ZDHHC14: variants seen among roughly 807,000 people sequenced by gnomAD.
ZDHHC14 encodes the protein palmitoyltransferase ZDHHC14.
In ZDHHC14, 16 loss-of-function variants were observed where a neutral mutation model predicts 47.7. The ratio of observed to expected loss-of-function variants is 0.34; its 90% CI spans 0.23 to 0.51. The LOEUF is 0.51. Among genes scored for constraint, ZDHHC14 ranks in the 20% least tolerant of loss-of-function variants. The probability of loss-of-function intolerance (pLI) is 0.97; values close to 1 mark genes in which losing one functional copy is unlikely to be tolerated. For missense variants in ZDHHC14, 515 were observed against 662.5 expected, an observed-to-expected ratio of 0.78 and a Z score of 2.44; for synonymous variants, 293 against 278.9, an observed-to-expected ratio of 1.05 and a Z score of -0.50.
chr6:157,395,626 TC>T (rs770893145), intron 1 of ZDHHC14, among the ~76,000 whole-genome samples: 1 of 152,062 alleles, frequency 6.6e-6, no homozygotes, highest in Non-Finnish European at 1.5e-5. Context: ...AAACCCTGTC[TC>T]TACTAAAATA....
In ZDHHC14 at chr6:157,502,828, T is replaced by C. The variant is rs567571764; in HGVS notation, c.246-39757T>C. Reference sequence around the variant, plus strand: ...GGCTCAGCCTCTCAAGTAGCTGGGATTACAGGTGCCCATCACCATGCCCAG... The same window carrying C: ...GGCTCAGCCTCTCAAGTAGCTGGGACTACAGGTGCCCATCACCATGCCCAG... On this transcript the variant is annotated intron_variant, in intron 1 of 8. Coordinates refer to ENST00000359775, the MANE Select transcript of ZDHHC14 (RefSeq NM_024630.3). This position sits in a 1 kb window ranked among gnomAD's most constrained non-coding sequence, Gnocchi z 4.0. Among the ~76,000 whole-genome samples, 71 of 152,246 alleles carry C rather than the reference T, an allele frequency of 4.7e-4. No individual in the cohort carries two copies. Among genetic ancestry groups the C allele is most frequent in the Non-Finnish European group, 7.8e-4 (53 of 68,012 alleles).
At position 157,653,745 on chromosome 6, in the gene ZDHHC14, G is replaced by A. The variant is rs117482547; in HGVS notation, c.1068+118G>A. 704 of 937,476 alleles carry A rather than the reference G, an allele frequency of 7.5e-4. 6 individuals are homozygous for A. Among genetic ancestry groups the A allele is most frequent in the South Asian group, 6.2e-3 (410 of 66,430 alleles). 58.1% of individuals were successfully genotyped at this position (937,476 alleles called of 1,614,324 possible). ...CCAGGAGCGGGGGCAGCCCACAGCC[G>A]CCCACCCCATGACTACTGCGCTCAG... On this transcript the variant is annotated intron_variant, in intron 8 of 8. Coordinates refer to ENST00000359775, the MANE Select transcript of ZDHHC14 (RefSeq NM_024630.3).
intron 1 of ZDHHC14, among the ~76,000 whole-genome samples, chr6:157,428,038 C>G (rs776005222): frequency 6.6e-6 from 1 of 152,098 alleles, no homozygotes; most frequent in South Asian, 2.1e-4. Flanking sequence ...ATATCGGGTT[C>G]CTGGAGGGCT....
At chr6:157,611,305 G>A (rs1784741685) in intron 3 of ZDHHC14, among the ~76,000 whole-genome samples, 1 of 152,080 alleles carries the variant, frequency 6.6e-6, no homozygotes, top group Non-Finnish European at 1.5e-5. Context: ...TGGCCAATAT[G>A]TGTACTTTTA....
chr6:157,478,872 G>A lies in ZDHHC14; in HGVS notation c.246-63713G>A, dbSNP rs148911302. Reference sequence around the variant, plus strand: ...CATTTCATTTAAGATGTTTGACCATGTGAAGTGAAACAGTGAAGAGAGTGT... The same window carrying A: ...CATTTCATTTAAGATGTTTGACCATATGAAGTGAAACAGTGAAGAGAGTGT... On this transcript the variant is annotated intron_variant, in intron 1 of 8. Coordinates refer to ENST00000359775, the MANE Select transcript of ZDHHC14 (RefSeq NM_024630.3). Among the ~76,000 whole-genome samples, 457 of 152,332 alleles carry A rather than the reference G, an allele frequency of 3.0e-3. 4 individuals are homozygous for A. The highest frequency in any genetic ancestry group is 0.011 in the African/African-American group (448 of 41,572).
intron 1 of ZDHHC14, among the ~76,000 whole-genome samples, chr6:157,486,651 C>G (rs1031424591): frequency 6.6e-6 from 1 of 152,080 alleles, no homozygotes; most frequent in Non-Finnish European, 1.5e-5. Context: ...AACAGGGTGG[C>G]AGAGGAAGCC....
chr6:157,622,186 C>T (rs112261925), intron 3 of ZDHHC14, among the ~76,000 whole-genome samples: 1 of 131,004 alleles, frequency 7.6e-6, no homozygotes, highest in South Asian at 2.4e-4. Context: ...GCCTGACCAA[C>T]ATGGCAAAAT....
At chr6:157,518,843 C>G (rs1428098902) in intron 1 of ZDHHC14, among the ~76,000 whole-genome samples, 1 of 152,232 alleles carries the variant, frequency 6.6e-6, no homozygotes, top group East Asian at 1.9e-4. Flanking sequence ...CCAGCGCATT[C>G]TTGTGAGGGG....
At chr6:157,662,363 G>A (rs1778382343) in intron 8 of ZDHHC14, among the ~76,000 whole-genome samples, 1 of 152,120 alleles carries the variant, frequency 6.6e-6, no homozygotes, top group South Asian at 2.1e-4. Context: ...TGTATTTTTA[G>A]TACAGACAGG....
At chr6:157,518,412 G>C (rs979802704) in intron 1 of ZDHHC14, among the ~76,000 whole-genome samples, 4 of 142,850 alleles carry the variant, frequency 2.8e-5, no homozygotes, top group Non-Finnish European at 6.2e-5. Context: ...GGTGGAAGGG[G>C]GGCTCTTTAC....
At chr6:157,618,589 T>C (rs1785059456) in intron 3 of ZDHHC14, among the ~76,000 whole-genome samples, 1 of 152,158 alleles carries the variant, frequency 6.6e-6, no homozygotes, top group Non-Finnish European at 1.5e-5. Flanking sequence ...CCCAAAGTGC[T>C]GGGATTACAG....
chr6:157,645,784 G>T lies in ZDHHC14; in HGVS notation c.800G>T (p.Gly267Val). 1 of 1,614,124 alleles carries T rather than the reference G, an allele frequency of 6.2e-7. No individual in the cohort carries two copies. Among genetic ancestry groups the T allele is most frequent in the Non-Finnish European group, 8.5e-7 (1 of 1,180,036 alleles). Reference sequence around the variant, plus strand: ...TTCTTCTCTGTCTGGTCCATCGTTGGCCTCTCAGGATTCCACACCTACTTG... The same window carrying T: ...TTCTTCTCTGTCTGGTCCATCGTTGTCCTCTCAGGATTCCACACCTACTTG... ...VCFFSVWSIV[G>V]LSGFHTYLIS... The change falls in exon 6 of 9, where the codon GGC becomes GTC. Residue 267 changes from glycine (G) to valine (V), a missense_variant. Gly to Val is a moderately radical substitution (Grantham distance 109). This residue lies in a region of ZDHHC14 where 229 missense variants were observed against 351.5 expected (regional missense o/e 0.65). Coordinates refer to ENST00000359775, the MANE Select transcript of ZDHHC14 (RefSeq NM_024630.3).
intron 3 of ZDHHC14, among the ~76,000 whole-genome samples, chr6:157,603,464 G>A (rs1784416935): frequency 6.6e-6 from 1 of 152,166 alleles, no homozygotes; most frequent in African/African-American, 2.4e-5. Context: ...CTAGGAAAGA[G>A]GGACTTGACT....
chr6:157,573,030 C>T (rs1783160071), intron 2 of ZDHHC14, among the ~76,000 whole-genome samples: 1 of 152,112 alleles, frequency 6.6e-6, no homozygotes, highest in South Asian at 2.1e-4. Context: ...ATCCCACATG[C>T]CCTTTGATGA....
intron 3 of ZDHHC14, among the ~76,000 whole-genome samples, chr6:157,614,010 G>C (rs1016761739): frequency 1.3e-5 from 2 of 152,120 alleles, no homozygotes; most frequent in African/African-American, 4.8e-5. Context: ...CTTCTTCCTT[G>C]GTAAACTTGT....
At chr6:157,667,550 A>G (rs891462903) in intron 8 of ZDHHC14, among the ~76,000 whole-genome samples, 7 of 152,254 alleles carry the variant, frequency 4.6e-5, no homozygotes, top group African/African-American at 1.7e-4. Flanking sequence ...TGGTGAGTCC[A>G]GAGAGCAAGA....
intron 1 of ZDHHC14, among the ~76,000 whole-genome samples, chr6:157,436,662 G>A (rs1778446842): frequency 6.6e-6 from 1 of 152,136 alleles, no homozygotes; most frequent in African/African-American, 2.4e-5. Flanking sequence ...AGGTCTGCGG[G>A]ACTTGGCAGT....
At chr6:157,387,116 A>G (rs2114731031) in intron 1 of ZDHHC14, among the ~76,000 whole-genome samples, 1 of 152,300 alleles carries the variant, frequency 6.6e-6, no homozygotes, top group Middle Eastern at 3.4e-3. Context: ...ACGTGGGGAC[A>G]TTCTCAAATT....
chr6:157,395,255 G>A (rs530477806), intron 1 of ZDHHC14, among the ~76,000 whole-genome samples: 1 of 151,516 alleles, frequency 6.6e-6, no homozygotes, highest in African/African-American at 2.4e-5. Flanking sequence ...TGACCTGCTG[G>A]GCTCAAGCAA....
Sources: gnomAD v4.1 joint callset for allele counts (sites outside exome capture counted in the v4.1 genomes callset) on GRCh38, gnomAD v4.1.1 for gene constraint, gnomAD v4.1.1 regional missense constraint, Gnocchi (gnomAD v3.1) non-coding constraint, MANE v1.5 for transcripts, NCBI Gene and HGNC (gene_info 2026-07-23, HGNC 2026-07-21) for gene names.